Variants in ZNF41 observed in about 807,000 individuals in gnomAD.
The protein encoded by ZNF41 is zinc finger protein 41.
ZNF41 carries 6 observed loss-of-function variants against 9.3 expected under a neutral mutation model. The observed-to-expected ratio is 0.65, with a 90% confidence interval of 0.35 to 1.28. The LOEUF is 1.28. ZNF41 is among the 50% of genes most tolerant of loss of function. The pLI, the probability that ZNF41 is intolerant of heterozygous loss-of-function variation, is 0.03. For synonymous variants in ZNF41, 192 were observed against 207.1 expected, an observed-to-expected ratio of 0.93 and a Z score of 0.63; for missense variants, 523 against 585.8, an observed-to-expected ratio of 0.89 and a Z score of 1.11.
chrX:47,459,742 T>TAAAA (rs768291943), intron 2 of ZNF41, among the ~76,000 whole-genome samples: 106 of 15,482 alleles, frequency 6.8e-3, no homozygotes, highest in Non-Finnish European at 9.5e-3. Flanking sequence ...AGACCCTATC[T>TAAAA]AAAAAAAAAA....
At position 47,447,657 on chromosome X, in the gene ZNF41, G is replaced by T; in HGVS notation, c.2113C>A (p.Arg705Ser). 1 of 1,211,598 alleles carries T rather than the reference G, an allele frequency of 8.3e-7. No individual in the cohort carries two copies. The highest frequency in any genetic ancestry group is 1.1e-6 in the Non-Finnish European group (1 of 895,480). The change falls in exon 5 of 5, where the codon CGC (arginine) becomes AGC (serine). Residue 705 changes from arginine to serine, a missense_variant. Arg to Ser is a moderately radical substitution (Grantham distance 110). Coordinates refer to ENST00000684689, the MANE Select transcript of ZNF41 (RefSeq NM_001324144.2). ...DCGKTFTWKS[R>S]LNIHQKSHTG... ...TGAGACTTCTGATGTATATTGAGGC[G>T]TGACTTCCAGGTGAAGGTTTTCCCG...
intron 1 of ZNF41, among the ~76,000 whole-genome samples, chrX:47,473,832 G>A (rs1225795748): frequency 8.9e-6 from 1 of 112,134 alleles, no homozygotes; most frequent in Non-Finnish European, 1.9e-5. Context: ...GGAATGTAAA[G>A]TGGTACAGCC....
At chrX:47,480,885 A>T (rs2057454175) in intron 1 of ZNF41, among the ~76,000 whole-genome samples, 1 of 107,411 alleles carries the variant, frequency 9.3e-6, no homozygotes, top group African/African-American at 3.4e-5. Context: ...GCCTTCTCAT[A>T]TGTTGCTGGT....
chrX:47,459,877 A>T (rs2056722421), intron 2 of ZNF41, among the ~76,000 whole-genome samples: 1 of 107,836 alleles, frequency 9.3e-6, no homozygotes, highest in Admixed American at 1.0e-4. Flanking sequence ...TGGGAGGCGG[A>T]GGTTGCAGTA....
Position 47,445,551 on chromosome X carries a change from G to A in ZNF41, c.*1879C>T, listed in dbSNP as rs189103592. 2.0e-4 allele frequency among the ~76,000 whole-genome samples: 22 copies of A among 112,541 alleles called. No individual in the cohort carries two copies. In the East Asian group the frequency reaches 2.5e-3, roughly 13 times the overall value. The stretch of plus-strand genomic sequence containing the variant: ...GCAAGTATGTGGAGCACTAGAACTC[G>A]CATACTGGGTTGGTGGGAGTGTACA... On this transcript the variant is annotated 3_prime_UTR_variant, in exon 5 of 5. Coordinates refer to ENST00000684689, the MANE Select transcript of ZNF41 (RefSeq NM_001324144.2).
chrX:47,475,633 T>C (rs923693713), intron 1 of ZNF41, among the ~76,000 whole-genome samples: 11 of 111,767 alleles, frequency 9.8e-5, no homozygotes, highest in Non-Finnish European at 2.1e-4. Context: ...TACCACAGGC[T>C]GTGTTCTTAC....
chrX:47,451,569 C>T (rs1224343868), intron 4 of ZNF41, among the ~76,000 whole-genome samples: 4 of 112,123 alleles, frequency 3.6e-5, no homozygotes, highest in Non-Finnish European at 7.5e-5. Flanking sequence ...GGCAAAATCC[C>T]GTCTCTACTA....
At chrX:47,468,218 G>A (rs1391633086) in intron 1 of ZNF41, among the ~76,000 whole-genome samples, 8 of 111,019 alleles carry the variant, frequency 7.2e-5, no homozygotes, top group Admixed American at 9.7e-5. Context: ...TCAAACCCAG[G>A]TATGCCTGGC....
At chrX:47,466,013 C>T (rs1372878818) in intron 2 of ZNF41, among the ~76,000 whole-genome samples, 1 of 110,280 alleles carries the variant, frequency 9.1e-6, no homozygotes, top group Non-Finnish European at 1.9e-5. Context: ...CACACTCTGG[C>T]CCCACACGTA....
At chrX:47,470,378 C>T (rs1366312888) in intron 1 of ZNF41, among the ~76,000 whole-genome samples, 5 of 92,074 alleles carry the variant, frequency 5.4e-5, no homozygotes, top group African/African-American at 2.1e-4. Context: ...TGCCACTGCA[C>T]TCCAGCCTGG....
intron 2 of ZNF41, among the ~76,000 whole-genome samples, chrX:47,456,725 A>AGAGTT (rs1427066058): frequency 1.8e-5 from 2 of 112,112 alleles, no homozygotes; most frequent in Non-Finnish European, 3.8e-5. Flanking sequence ...ATGGTGATAA[A>AGAGTT]GAGTTGAGTA....
At chrX:47,466,793 T>A (rs1424169620) in intron 2 of ZNF41, among the ~76,000 whole-genome samples, 1 of 111,581 alleles carries the variant, frequency 9.0e-6, no homozygotes, top group Non-Finnish European at 1.9e-5. Flanking sequence ...GTGCTGGGAT[T>A]ACAGGCATGA....
At chrX:47,478,563 G>A (rs764946055) in intron 1 of ZNF41, among the ~76,000 whole-genome samples, 2 of 110,697 alleles carry the variant, frequency 1.8e-5, no homozygotes, top group East Asian at 2.9e-4. Flanking sequence ...TTAAGTGTTC[G>A]TACCACAACA....
At chrX:47,464,726 T>C (rs1037107243) in intron 2 of ZNF41, among the ~76,000 whole-genome samples, 1 of 111,555 alleles carries the variant, frequency 9.0e-6, no homozygotes, top group South Asian at 3.8e-4. Flanking sequence ...GAGGACCACA[T>C]TGTCATGGCC....
Position 47,449,396 on chromosome X carries a change from A to G in ZNF41, c.374T>C (p.Ile125Thr), listed in dbSNP as rs17147624. The change falls in exon 5 of 5, where the codon ATA becomes ACA. Residue 125 changes from isoleucine to threonine, a missense_variant. Coordinates refer to ENST00000684689, the MANE Select transcript of ZNF41 (RefSeq NM_001324144.2). ...FFHCERFDQP[I>T]GEDSLCSILE... ...AATAGAACATAATGAATCTTCTCCT[A>G]TGGGTTGATCAAATCTCTCACAGTG... 1.1e-5 allele frequency: 13 copies of G among 1,208,733 alleles called. No homozygotes were observed. In the Admixed American group the frequency reaches 1.8e-4, roughly 16 times the overall value.
Position 47,448,964 on chromosome X carries a change from T to G in ZNF41, c.806A>C (p.Lys269Thr), listed in dbSNP as rs954578240. The G allele has an allele frequency of 1.7e-6, 2 of 1,209,802 alleles. No homozygotes were observed. Among genetic ancestry groups the G allele is most frequent in the Non-Finnish European group, 2.2e-6 (2 of 895,269 alleles). Residue 269 changes from lysine to threonine, a missense_variant, in exon 5 of 5, where the codon AAG becomes ACG. By Grantham distance (78) the Lys-to-Thr change is moderately conservative. Coordinates refer to ENST00000684689, the MANE Select transcript of ZNF41 (RefSeq NM_001324144.2). Reference protein sequence around the residue: ...THHQKIHPEEKLYVCTECVMG... With the variant: ...THHQKIHPEETLYVCTECVMG... ...TACACATTCAGTACACACATAAAGC[T>G]TCTCCTCAGGATGAATTTTCTGATG...
intron 4 of ZNF41, among the ~76,000 whole-genome samples, chrX:47,450,280 G>A (rs2056312252): frequency 9.1e-6 from 1 of 110,377 alleles, no homozygotes; most frequent in Admixed American, 9.8e-5. Flanking sequence ...GTGCGATCTC[G>A]GCTCACTGCA....
At chrX:47,474,205 G>A (rs188625813) in intron 1 of ZNF41, among the ~76,000 whole-genome samples, 124 of 112,581 alleles carry the variant, frequency 1.1e-3, no homozygotes, top group Middle Eastern at 4.6e-3. Flanking sequence ...GGTGGCTCAC[G>A]CCTGTAATCC....
intron 1 of ZNF41, among the ~76,000 whole-genome samples, chrX:47,475,175 A>G (rs1390352188): frequency 9.2e-6 from 1 of 108,963 alleles, no homozygotes; most frequent in Non-Finnish European, 1.9e-5. Context: ...ATATATATGT[A>G]TATATACACC....
Sources: gnomAD v4.1 joint callset for allele counts (sites outside exome capture counted in the v4.1 genomes callset) on GRCh38, gnomAD v4.1.1 for gene constraint, MANE v1.5 for transcripts, NCBI Gene and HGNC (gene_info 2026-07-23, HGNC 2026-07-21) for gene names.